Variants in SRPRA observed in about 807,000 individuals in gnomAD.
The protein encoded by SRPRA is signal recognition particle receptor subunit alpha.
In SRPRA, 30 loss-of-function variants were observed where a neutral mutation model predicts 61.1. The observed-to-expected ratio is 0.49, with a 90% CI of 0.37 to 0.67. The LOEUF is 0.67. SRPRA is among the 30% of genes least tolerant of loss of function. The pLI is 0.00. For missense variants in SRPRA, 759 were observed against 828.4 expected (o/e 0.92, Z 1.03); for synonymous variants, 324 against 299.7 (o/e 1.08, Z -0.84).
the SRPRA span, among the ~76,000 whole-genome samples, chr11:126,252,516 C>T: frequency 4.3e-3 from 655 of 152,010 alleles, 1 homozygote; most frequent in Middle Eastern, 0.017. The surrounding 1 kb of genome is among the most constrained non-coding windows in gnomAD (Gnocchi z 4.7). Flanking sequence ...GAAGCTGAGG[C>T]GGGAGGATCA....
the SRPRA span, among the ~76,000 whole-genome samples, chr11:126,252,481 C>T: frequency 6.6e-6 from 1 of 152,248 alleles, no homozygotes; most frequent in African/African-American, 2.4e-5. This position sits in a 1 kb window ranked among gnomAD's most constrained non-coding sequence, Gnocchi z 4.7. Context: ...CACAGCAGCT[C>T]AGGCCTGTAA....
rs756212756 is a variant in SRPRA at position 126,264,522 on chromosome 11, C to T, written c.1543G>A (p.Asp515Asn). 1.9e-6 allele frequency: 3 copies of T among 1,613,330 alleles called. No individual in the cohort carries two copies. The highest frequency in any genetic ancestry group is 2.5e-6 in the Non-Finnish European group (3 of 1,180,044). The change falls in exon 12 of 14, where the codon GAC (aspartate) becomes AAC (asparagine). Residue 515 changes from aspartate to asparagine, a missense_variant. Around this residue, in one of 2 missense-constraint regions of SRPRA, gnomAD observed 284 missense variants for 365.9 expected, o/e 0.78. Transcript: ENST00000332118. The surrounding 1 kb of genome is among the most constrained non-coding windows in gnomAD (Gnocchi z 5.0). ...AIAFARNQGF[D>N]VVLVDTAGRM... ...CCTGCCGTGTCCACCAGCACCACGT[C>T]AAAGCCTTGGTTACGTGCTAGAGAA...
intron 1 of SRPRA, among the ~76,000 whole-genome samples, 171 bp from the exon 2 acceptor site, chr11:126,268,257 A>T (rs1174388064): frequency 6.6e-6 from 1 of 152,246 alleles, no homozygotes; most frequent in African/African-American, 2.4e-5. Flanking sequence ...CAGAAATAAG[A>T]TAACCAAGTT....
chr11:126,265,220 C>G lies in SRPRA; in HGVS notation c.1311+48G>C. On this transcript the variant is annotated intron_variant, in intron 10 of 13. Coordinates refer to ENST00000332118, the MANE Select transcript of SRPRA (RefSeq NM_003139.4). This position sits in a 1 kb window ranked among gnomAD's most constrained non-coding sequence, Gnocchi z 6.3. The stretch of plus-strand genomic sequence containing the variant: ...GTCACCTAAAGCCAGGATTTTGAGA[C>G]ACAAGAAGTACAGAAATATCAGCGA... 6.2e-7 allele frequency: 1 copy of G among 1,613,766 alleles called. No homozygotes were observed. Among genetic ancestry groups the G allele is most frequent in the Non-Finnish European group, 8.5e-7 (1 of 1,179,742 alleles).
chr11:126,257,377 G>A, the SRPRA span, among the ~76,000 whole-genome samples: 4 of 152,162 alleles, frequency 2.6e-5, no homozygotes, highest in Admixed American at 6.5e-5. Flanking sequence ...AGATGCATGC[G>A]TGGGAATGTA....
chr11:126,254,036 G>A, the SRPRA span, among the ~76,000 whole-genome samples: 1 of 151,748 alleles, frequency 6.6e-6, no homozygotes, highest in African/African-American at 2.4e-5. Context: ...CAGTGCAAAG[G>A]GTCCCTGTTG....
In SRPRA at chr11:126,265,398, A is replaced by G; in HGVS notation, c.1181T>C (p.Val394Ala). The G allele has an allele frequency of 1.2e-6, 2 of 1,614,024 alleles. No homozygotes were observed. Among genetic ancestry groups the G allele is most frequent in the Non-Finnish European group, 1.7e-6 (2 of 1,180,034 alleles). Reference protein sequence around the residue: ...TVKQALQESLVQILQPQRRVD... With the variant: ...TVKQALQESLAQILQPQRRVD... Reference sequence around the variant, plus strand: ...ACGACGCTGTGGCTGCAGAATCTGCACCAGGGACTCCTGTAGGGCTTGCTT... The same window carrying G: ...ACGACGCTGTGGCTGCAGAATCTGCGCCAGGGACTCCTGTAGGGCTTGCTT... Residue 394 changes from valine to alanine, a missense_variant, in exon 10 of 14, where the codon GTG becomes GCG. By Grantham distance (64) the Val-to-Ala change is moderately conservative (BLOSUM62 0). This residue lies in a region of SRPRA where 284 missense variants were observed against 365.9 expected (regional missense o/e 0.78). Coordinates refer to ENST00000332118, the MANE Select transcript of SRPRA (RefSeq NM_003139.4). This position sits in a 1 kb window ranked among gnomAD's most constrained non-coding sequence, Gnocchi z 6.3.
rs764630565 is a variant in SRPRA, at chr11:126,266,639, G to A, written c.687-10C>T. 3 of 1,613,416 alleles carry A rather than the reference G, an allele frequency of 1.9e-6. No individual in the cohort carries two copies. Among genetic ancestry groups the A allele is most frequent in the Middle Eastern group, 1.7e-4 (1 of 6,054 alleles). ...TGACTTCGTGGACTTGCTGCAACAG[G>A]TTATGATACAAAGAGTTATGGTGGA... is the stretch of plus-strand genomic sequence containing the variant. On this transcript the variant is annotated splice_polypyrimidine_tract_variant and intron_variant, in intron 5 of 13. Transcript: ENST00000332118.
At chr11:126,242,803 A>C in the SRPRA span, among the ~76,000 whole-genome samples, 1 of 152,244 alleles carries the variant, frequency 6.6e-6, no homozygotes, top group Non-Finnish European at 1.5e-5. Flanking sequence ...GCTTTGGAAA[A>C]CAGATTGGCA....
the SRPRA span, among the ~76,000 whole-genome samples, chr11:126,247,304 A>G: frequency 6.6e-6 from 1 of 152,116 alleles, no homozygotes; most frequent in Non-Finnish European, 1.5e-5. Context: ...AAAAGAGACA[A>G]ACTTCCATTT....
the SRPRA span, among the ~76,000 whole-genome samples, chr11:126,248,649 C>A: frequency 5.8e-4 from 89 of 152,174 alleles, no homozygotes; most frequent in Admixed American, 9.8e-4. Context: ...GGATTACAGG[C>A]GTGAGCCAGC....
In SRPRA at chr11:126,263,966, G is replaced by C. The variant is rs370707916; in HGVS notation, c.1867C>G (p.Leu623Val). 2.5e-6 allele frequency: 4 copies of C among 1,614,088 alleles called. No homozygotes were observed. In the African/African-American group the frequency reaches 5.3e-5, roughly 22 times the overall value. ...FVGTGQTYCDLRSLNAKAVVA... is the reference protein window; with the variant it reads ...FVGTGQTYCDVRSLNAKAVVA... ...ACAGCCTTGGCATTGAGGCTGCGTA[G>C]GTCACAGTAGGTCTGGCCGGTGCCC... is the stretch of plus-strand genomic sequence containing the variant. Residue 623 changes from leucine (L) to valine (V), a missense_variant, in exon 14 of 14, where the codon CTA becomes GTA. Leu to Val is a conservative substitution (Grantham distance 32). This residue lies in a region of SRPRA where 284 missense variants were observed against 365.9 expected (regional missense o/e 0.78). Transcript: ENST00000332118.
rs1402016208 is a variant in SRPRA, at chr11:126,266,003, G to A, written c.1011C>T (p.Asp337=). 1 of 1,614,162 alleles carries A rather than the reference G, an allele frequency of 6.2e-7. No individual in the cohort carries two copies. The highest frequency in any genetic ancestry group is 8.5e-7 in the Non-Finnish European group (1 of 1,180,036). The change falls in exon 8 of 14, where the codon GAC becomes GAT. Residue 337 remains aspartate (D), a synonymous_variant. Transcript: ENST00000332118. ...GCATCTTGTCCAGCACAGATTCCAT[G>A]TCTTCACGACTCAAGCTCTTTGAAC... The part of the protein sequence containing the change: ...LVGSKSLSRE[D]MESVLDKMRD...
At chr11:126,246,590 G>C in the SRPRA span, among the ~76,000 whole-genome samples, 152 of 152,234 alleles carry the variant, frequency 1.0e-3, 1 homozygote, top group African/African-American at 3.6e-3. Context: ...GGGAGGCGGT[G>C]GGGGAACAGG....
chr11:126,244,610 C>G, the SRPRA span, among the ~76,000 whole-genome samples: 2 of 152,136 alleles, frequency 1.3e-5, no homozygotes, highest in Non-Finnish European at 2.9e-5. This position sits in a 1 kb window ranked among gnomAD's most constrained non-coding sequence, Gnocchi z 4.5. Context: ...TAGAGACCAG[C>G]CTGGCCAACA....
At chr11:126,261,442 G>C (rs1591533932), downstream of SRPRA, 1 of 1,613,950 alleles carries the variant, frequency 6.2e-7, no homozygotes, top group East Asian at 2.2e-5. Flanking sequence ...GGTGAGAGAA[G>C]GTCAGCTAAA....
In SRPRA at chr11:126,263,989, C is replaced by T. The variant is rs1565344918; in HGVS notation, c.1844G>A (p.Gly615Asp). The T allele has an allele frequency of 6.2e-7, 1 of 1,614,170 alleles. No individual in the cohort carries two copies. The highest frequency in any genetic ancestry group is 2.2e-5 in the East Asian group (1 of 44,880). ...TAGGTCACAGTAGGTCTGGCCGGTG[C>T]CCACAAAGACGATGGGTTTGCTTGT... ...YITSKPIVFV[G>D]TGQTYCDLRS... Residue 615 changes from glycine (G) to aspartate (D), a missense_variant, in exon 14 of 14, where the codon GGC (glycine) becomes GAC (aspartate). Gly to Asp is a moderately conservative substitution (Grantham distance 94). Around this residue, in one of 2 missense-constraint regions of SRPRA, gnomAD observed 284 missense variants for 365.9 expected, o/e 0.78. Coordinates refer to ENST00000332118, the MANE Select transcript of SRPRA (RefSeq NM_003139.4).
chr11:126,244,696 C>T, the SRPRA span, among the ~76,000 whole-genome samples: 2 of 152,046 alleles, frequency 1.3e-5, no homozygotes, highest in Admixed American at 6.6e-5. The surrounding 1 kb of genome is among the most constrained non-coding windows in gnomAD (Gnocchi z 4.5). Flanking sequence ...CCCAGCTACT[C>T]GGGAGGTGGA....
downstream of SRPRA, chr11:126,260,960 T>A (rs1950680951): frequency 6.4e-6 from 1 of 155,674 alleles, no homozygotes; most frequent in African/African-American, 2.4e-5. Flanking sequence ...ATGGAATTTT[T>A]AATTTGAAAC....
Sources: allele counts gnomAD v4.1 joint callset (sites outside exome capture counted in the v4.1 genomes callset), GRCh38; gene constraint gnomAD v4.1.1; regional missense constraint gnomAD v4.1.1; non-coding constraint Gnocchi (gnomAD v3.1); transcripts MANE v1.5; gene names NCBI Gene and HGNC (gene_info 2026-07-23, HGNC 2026-07-21).